The following HECW2 variants were observed in gnomAD, a reference collection of about 807,000 sequenced individuals.
HECW2 encodes E3 ubiquitin-protein ligase HECW2.
In HECW2, 61 loss-of-function variants were observed where a neutral mutation model predicts 175.2. The observed-to-expected ratio is 0.35, with a 90% CI of 0.28 to 0.43. HECW2 has a LOEUF of 0.43. Ranked by LOEUF, HECW2 falls within the 20% of genes least tolerant of loss-of-function variation. The probability of loss-of-function intolerance (pLI) is 1.00; values close to 1 mark genes in which losing one functional copy is unlikely to be tolerated. For synonymous variants in HECW2, 671 were observed against 731.0 expected (o/e 0.92, Z 1.32); for missense variants, 1,524 against 2,000.5 (o/e 0.76, Z 4.54).
At chr2:196,444,627 C>T (rs1696131749) in intron 1 of HECW2, among the ~76,000 whole-genome samples, 1 of 152,160 alleles carries the variant, frequency 6.6e-6, no homozygotes, top group Non-Finnish European at 1.5e-5. Flanking sequence ...TTTTTCAATG[C>T]CAACCCTTCC....
At chr2:196,435,020 G>C (rs1695830562) in intron 1 of HECW2, among the ~76,000 whole-genome samples, 1 of 152,170 alleles carries the variant, frequency 6.6e-6, no homozygotes, top group African/African-American at 2.4e-5. Flanking sequence ...ATGCTCCTGT[G>C]CTAGGTTTAT....
At position 196,194,845 on chromosome 2, in the gene HECW2, G is replaced by A. The variant is rs969649058; in HGVS notation, c.*6432C>T. The A allele has an allele frequency of 6.6e-6, 1 of 152,132 alleles. No individual in the cohort carries two copies. The highest frequency in any genetic ancestry group is 1.5e-5 in the Non-Finnish European group (1 of 68,016). 9.4% of individuals were successfully genotyped at this position (152,132 alleles called of 1,614,324 possible). On this transcript the variant is annotated 3_prime_UTR_variant, in exon 29 of 29. Coordinates refer to ENST00000644978, the MANE Select transcript of HECW2 (RefSeq NM_001348768.2). ...CTGTGTGGTGAACGTAATGACTGAGGTTGGTGAAGAGAAATTAAAAGCTTA... is the reference window on the plus strand; with the variant it reads ...CTGTGTGGTGAACGTAATGACTGAGATTGGTGAAGAGAAATTAAAAGCTTA...
chr2:196,243,732 T>G (rs1055042932), intron 19 of HECW2, among the ~76,000 whole-genome samples: 9 of 151,348 alleles, frequency 5.9e-5, no homozygotes, highest in African/African-American at 2.2e-4. Context: ...GTCTTGCACC[T>G]CCACGCCCAG....
At chr2:196,517,261 A>G (rs1232987998) in intron 1 of HECW2, among the ~76,000 whole-genome samples, 2 of 152,246 alleles carry the variant, frequency 1.3e-5, no homozygotes, top group African/African-American at 4.8e-5. Flanking sequence ...TCAATACTAA[A>G]GATGTTAATT....
chr2:196,271,179 A>C lies in HECW2; in HGVS notation c.3335+14T>G. ...GCTTATGCAACTTGAACCAAATACC[A>C]ATATTATTGTTACCTGAGTGAGTGA... On this transcript the variant is annotated intron_variant, in intron 17 of 28. Coordinates refer to ENST00000644978, the MANE Select transcript of HECW2 (RefSeq NM_001348768.2). The C allele has an allele frequency of 6.8e-7, 1 of 1,467,538 alleles. No homozygotes were observed. The highest frequency in any genetic ancestry group is 1.1e-5 in the South Asian group (1 of 87,082). 90.9% of individuals were successfully genotyped at this position (1,467,538 alleles called of 1,614,324 possible).
chr2:196,250,542 C>T (rs1396015420), intron 19 of HECW2, among the ~76,000 whole-genome samples: 1 of 152,078 alleles, frequency 6.6e-6, no homozygotes, highest in African/African-American at 2.4e-5. Context: ...AGGTACCCTG[C>T]CTAAAGTCAG....
chr2:196,334,590 C>T (rs1692483168), intron 3 of HECW2, 72 bp from the exon 4 acceptor site: 1 of 1,163,624 alleles, frequency 8.6e-7, no homozygotes, highest in Non-Finnish European at 1.3e-6. Flanking sequence ...TGTGGAAATC[C>T]ACCATACCAC....
chr2:196,398,391 T>C (rs1300506449), intron 2 of HECW2, among the ~76,000 whole-genome samples: 1 of 152,194 alleles, frequency 6.6e-6, no homozygotes, highest in Non-Finnish European at 1.5e-5. Context: ...TGTTATACCA[T>C]TACTACAGGT....
intron 21 of HECW2, chr2:196,239,575 T>C (rs1688373830): frequency 6.6e-6 from 1 of 152,164 alleles, no homozygotes; most frequent in African/African-American, 2.4e-5. Flanking sequence ...CAGGCATGAC[T>C]GAGAGGGATA....
chr2:196,381,402 A>G (rs1380799566), intron 2 of HECW2, among the ~76,000 whole-genome samples: 2 of 152,170 alleles, frequency 1.3e-5, no homozygotes, highest in Non-Finnish European at 2.9e-5. Context: ...TAAGTTGTAA[A>G]TCAGTATAGA....
intron 19 of HECW2, among the ~76,000 whole-genome samples, chr2:196,248,750 G>T (rs1416916917): frequency 1.3e-5 from 2 of 152,086 alleles, no homozygotes; most frequent in African/African-American, 4.8e-5. Flanking sequence ...AAAATGCTAA[G>T]ACTTTGTGGT....
intron 2 of HECW2, among the ~76,000 whole-genome samples, chr2:196,344,021 A>T (rs1426444497): frequency 6.6e-6 from 1 of 152,162 alleles, no homozygotes; most frequent in Non-Finnish European, 1.5e-5. Flanking sequence ...AAAAGACAAA[A>T]CTGCAAAGAA....
chr2:196,511,732 T>G (rs1687959696), intron 1 of HECW2, among the ~76,000 whole-genome samples: 1 of 152,028 alleles, frequency 6.6e-6, no homozygotes, highest in Non-Finnish European at 1.5e-5. Context: ...GAGAAAAGTG[T>G]GTGATCCAAA....
chr2:196,408,571 T>C (rs1202365971), intron 2 of HECW2, among the ~76,000 whole-genome samples: 2 of 152,180 alleles, frequency 1.3e-5, no homozygotes, highest in Admixed American at 6.5e-5. Flanking sequence ...AATGAATGAA[T>C]GAACAAATGA....
intron 24 of HECW2, among the ~76,000 whole-genome samples, chr2:196,221,506 A>C (rs1382874134): frequency 1.3e-5 from 2 of 152,136 alleles, no homozygotes; most frequent in Non-Finnish European, 2.9e-5. Context: ...AGTCTTCCCC[A>C]AAACATTGTT....
intron 28 of HECW2, among the ~76,000 whole-genome samples, chr2:196,207,943 T>A (rs113367812): frequency 6.6e-5 from 10 of 152,324 alleles, no homozygotes; most frequent in African/African-American, 1.9e-4. Flanking sequence ...CTTCTTCACT[T>A]GTGAATGCCT....
chr2:196,343,947 A>C (rs1692855896), intron 2 of HECW2, among the ~76,000 whole-genome samples, 183 bp from the exon 3 acceptor site: 1 of 152,162 alleles, frequency 6.6e-6, no homozygotes, highest in Non-Finnish European at 1.5e-5. Flanking sequence ...TTTATGTGGG[A>C]GAAAGAAGGC....
chr2:196,578,591 G>A (rs1252775218), intron 1 of HECW2, among the ~76,000 whole-genome samples: 1 of 152,094 alleles, frequency 6.6e-6, no homozygotes, highest in Non-Finnish European at 1.5e-5. Flanking sequence ...AACACAAAGA[G>A]AGAAACGAAA....
Position 196,419,587 on chromosome 2 carries a change from G to A in HECW2, c.292+13545C>T, listed in dbSNP as rs186838524. On this transcript the variant is annotated intron_variant, in intron 2 of 28. Coordinates refer to ENST00000644978, the MANE Select transcript of HECW2 (RefSeq NM_001348768.2). ...TCTTTGTAATATTGTTCTGAATACA[G>A]TGCATTACAATTATTTCCTTCCTAC... 2.6e-5 allele frequency among the ~76,000 whole-genome samples: 4 copies of A among 152,264 alleles called. No homozygotes were observed. The East Asian group carries it at 5.8e-4, about 22-fold the overall frequency.
Sources: allele counts gnomAD v4.1 joint callset (sites outside exome capture counted in the v4.1 genomes callset), GRCh38; gene constraint gnomAD v4.1.1; transcripts MANE v1.5; gene names NCBI Gene and HGNC (gene_info 2026-07-23, HGNC 2026-07-21).